Variants in TMEM135 observed in about 807,000 individuals in gnomAD.
TMEM135 encodes peroxisomal membrane protein 52.
Under a neutral mutation model 60.3 loss-of-function variants are expected in TMEM135, and 30 were observed. The ratio of observed to expected loss-of-function variants is 0.50; its 90% CI spans 0.37 to 0.68. TMEM135 has a LOEUF of 0.68. Among genes scored for constraint, TMEM135 ranks in the 30% least tolerant of loss-of-function variants. The pLI, the probability that TMEM135 is intolerant of heterozygous loss-of-function variation, is 0.00. For synonymous variants in TMEM135, 190 were observed against 186.7 expected (o/e 1.02, Z -0.14); for missense variants, 468 against 548.8 (o/e 0.85, Z 1.47).
At chr11:87,309,797 C>T (rs1228280423) in intron 10 of TMEM135, 125 bp downstream of exon 10, 4 of 1,049,366 alleles carry the variant, frequency 3.8e-6, no homozygotes, top group Non-Finnish European at 5.6e-6. Context: ...CATATCTTGA[C>T]ATAACCAAAT....
intron 5 of TMEM135, among the ~76,000 whole-genome samples, chr11:87,216,449 A>G (rs1182495575): frequency 1.3e-5 from 2 of 152,012 alleles, no homozygotes; most frequent in Non-Finnish European, 2.9e-5. Flanking sequence ...GTGTTTTCCA[A>G]GATATTCTTC....
At chr11:87,144,276 G>A (rs1311389364) in intron 4 of TMEM135, among the ~76,000 whole-genome samples, 6 of 151,916 alleles carry the variant, frequency 3.9e-5, no homozygotes, top group African/African-American at 9.7e-5. Flanking sequence ...AGATAAATAC[G>A]GTGTTTTTGT....
chr11:87,229,774 G>A (rs1239813619), intron 5 of TMEM135, among the ~76,000 whole-genome samples: 1 of 152,074 alleles, frequency 6.6e-6, no homozygotes, highest in Non-Finnish European at 1.5e-5. Flanking sequence ...GTCTTTATTT[G>A]ATGTGTATCT....
chr11:87,070,698 G>A (rs930470945), intron 2 of TMEM135, among the ~76,000 whole-genome samples: 1 of 152,008 alleles, frequency 6.6e-6, no homozygotes, highest in Admixed American at 6.6e-5. Context: ...CTGGTCATTT[G>A]TCATTTGTCA....
intron 5 of TMEM135, among the ~76,000 whole-genome samples, chr11:87,235,977 G>A (rs1940984649): frequency 6.6e-6 from 1 of 151,730 alleles, no homozygotes. Context: ...GTTGACAACT[G>A]GACTATATTT....
chr11:87,074,193 C>G (rs1276295262), intron 3 of TMEM135, among the ~76,000 whole-genome samples: 3 of 152,090 alleles, frequency 2.0e-5, no homozygotes, highest in African/African-American at 7.2e-5. Flanking sequence ...CTCGAACTCC[C>G]AACCTCAGGT....
rs1332555781 is a variant in TMEM135 at position 87,324,160 on chromosome 11, A to C, written c.*2827A>C. ...TAGGCTAACATTTCATTTAGTTGTT[A>C]ATGCTGACGTAATTGTTTCCTGCTT... On this transcript the variant is annotated 3_prime_UTR_variant, in exon 15 of 15. Transcript: ENST00000305494. 1 of 453,910 alleles carries C rather than the reference A, an allele frequency of 2.2e-6. No individual in the cohort carries two copies. The highest frequency in any genetic ancestry group is 2.0e-5 in the African/African-American group (1 of 49,966). The allele number at this position is 453,910 out of a possible 1,614,324, so 28.1% of individuals were successfully genotyped here. A position where few individuals can be genotyped will look rare whatever the true frequency, so the allele number is the denominator to read the frequency against.
At chr11:87,319,058 G>C in intron 13 of TMEM135, 1 of 403,936 alleles carries the variant, frequency 2.5e-6, no homozygotes. Flanking sequence ...CAGTAGAGAC[G>C]GGTTTTCTCC....
chr11:87,039,025 A>G (rs1383165923), intron 1 of TMEM135, among the ~76,000 whole-genome samples: 1 of 151,946 alleles, frequency 6.6e-6, no homozygotes, highest in Non-Finnish European at 1.5e-5. Context: ...GCATTGTCTC[A>G]TTTTCTTGCC....
chr11:87,092,725 A>G (rs913930972), intron 4 of TMEM135, among the ~76,000 whole-genome samples: 6 of 117,766 alleles, frequency 5.1e-5, no homozygotes, highest in South Asian at 2.7e-4. Context: ...ATTAATGACA[A>G]TCTTGCTGGG....
chr11:87,133,885 T>A (rs544466878), intron 4 of TMEM135, among the ~76,000 whole-genome samples: 41 of 152,350 alleles, frequency 2.7e-4, no homozygotes, highest in African/African-American at 9.4e-4. Flanking sequence ...TTATTGCCGA[T>A]AAGCATTCTG....
At chr11:87,053,072 C>T (rs1194185922) in intron 1 of TMEM135, among the ~76,000 whole-genome samples, 2 of 128,748 alleles carry the variant, frequency 1.6e-5, no homozygotes, top group East Asian at 2.3e-4. Context: ...GAACAAAAAA[C>T]GAAACACCGC....
intron 4 of TMEM135, among the ~76,000 whole-genome samples, chr11:87,144,709 AGTGTGTGTGTGT>A (rs4014711): frequency 4.1e-5 from 6 of 147,038 alleles, no homozygotes; most frequent in Admixed American, 3.4e-4. Flanking sequence ...TGTGTGTGAA[AGTGTGTGTGTGT>A]GTGTGTGTGT....
intron 6 of TMEM135, among the ~76,000 whole-genome samples, chr11:87,284,703 A>G (rs2135423520): frequency 6.6e-6 from 1 of 152,382 alleles, no homozygotes; most frequent in Admixed American, 6.5e-5. Flanking sequence ...GAATTTCACT[A>G]TTTAAAGGAA....
rs542662024 is a variant in TMEM135, at chr11:87,227,575, A to G, written c.463-9063A>G. Among the ~76,000 whole-genome samples the G allele has an allele frequency of 5.3e-5, 8 of 152,290 alleles. No individual in the cohort carries two copies. The South Asian group carries it at 1.0e-3, about 20-fold the overall frequency. ...TGAACTAATTAAAAAAATGGACTGT[A>G]TATTATGGGAGATTTTAATTAAACA... is the stretch of plus-strand genomic sequence containing the variant. On this transcript the variant is annotated intron_variant, in intron 5 of 14. Coordinates refer to ENST00000305494, the MANE Select transcript of TMEM135 (RefSeq NM_022918.4).
Position 87,071,565 on chromosome 11 carries a change from T to C in TMEM135, c.312T>C (p.Gly104=), listed in dbSNP as rs150598568. 5.3e-5 allele frequency: 85 copies of C among 1,613,912 alleles called. No individual in the cohort carries two copies. The Middle Eastern group carries it at 6.6e-4, about 12-fold the overall frequency. Residue 104 remains glycine (G), a synonymous_variant, in exon 3 of 15, where the codon GGT becomes GGC. Coordinates refer to ENST00000305494, the MANE Select transcript of TMEM135 (RefSeq NM_022918.4). ...TCTACTCATGGACTCCTGGCTTTGG[T>C]GCCGCTCTGCCAGCATCTTATGTGG... ...GKFYSWTPGF[G]AALPASYVAI...
intron 12 of TMEM135, among the ~76,000 whole-genome samples, chr11:87,316,361 G>C (rs1387101646): frequency 2.0e-5 from 3 of 151,494 alleles, no homozygotes; most frequent in Non-Finnish European, 3.0e-5. Context: ...AGGAGGACAG[G>C]CAGGAGCCAG....
intron 4 of TMEM135, among the ~76,000 whole-genome samples, chr11:87,106,181 G>C (rs1432065039): frequency 6.6e-6 from 1 of 151,518 alleles, no homozygotes; most frequent in African/African-American, 2.4e-5. Flanking sequence ...TCGGCTCACT[G>C]CAACCTCCAC....
chr11:87,104,278 G>A (rs2513230), intron 4 of TMEM135, among the ~76,000 whole-genome samples: 83,279 of 151,926 alleles, frequency 0.55, 23,631 homozygotes, highest in East Asian at 0.71. Context: ...TATTTATTCT[G>A]TTCCGTTGGT....
Sources: gnomAD v4.1 joint callset for allele counts (sites outside exome capture counted in the v4.1 genomes callset) on GRCh38, gnomAD v4.1.1 for gene constraint, MANE v1.5 for transcripts, NCBI Gene and HGNC (gene_info 2026-07-23, HGNC 2026-07-21) for gene names.